OR9Q1: variants seen among roughly 807,000 people sequenced by gnomAD.
OR9Q1 encodes olfactory receptor family 9 subfamily Q member 1, also known as olfactory receptor 9Q1.
For synonymous variants in OR9Q1, 153 were observed against 148.6 expected (o/e 1.03, Z -0.22); for missense variants, 374 against 378.8 (o/e 0.99, Z 0.11).
At chr11:58,173,623 A>C (rs927802227) in intron 2 of OR9Q1, among the ~76,000 whole-genome samples, 1 of 152,068 alleles carries the variant, frequency 6.6e-6, no homozygotes, top group Non-Finnish European at 1.5e-5. Flanking sequence ...CTCTGAGCTG[A>C]GAGCTTCTTC....
At chr11:58,067,021 T>G (rs1046106175) in intron 2 of OR9Q1, among the ~76,000 whole-genome samples, 4 of 128,406 alleles carry the variant, frequency 3.1e-5, no homozygotes, top group Non-Finnish European at 6.5e-5. Context: ...TGTAATTTGT[T>G]TTTGGCTTGA....
intron 1 of OR9Q1, among the ~76,000 whole-genome samples, chr11:58,037,905 T>C (rs1023242567): frequency 6.9e-6 from 1 of 145,034 alleles, no homozygotes; most frequent in Non-Finnish European, 1.5e-5. Context: ...TTTTTTTTTT[T>C]TTTTTTTAGT....
chr11:58,157,580 G>A (rs374004368), intron 2 of OR9Q1, among the ~76,000 whole-genome samples: 1 of 152,036 alleles, frequency 6.6e-6, no homozygotes, highest in East Asian at 1.9e-4. Flanking sequence ...AAGGAAGGAA[G>A]GATGGAAGGA....
At chr11:58,085,380 G>A (rs1853624646) in intron 2 of OR9Q1, among the ~76,000 whole-genome samples, 1 of 151,732 alleles carries the variant, frequency 6.6e-6, no homozygotes. Flanking sequence ...GTCTCTTGGT[G>A]AGAGTTTTTT....
chr11:58,060,260 G>T (rs944473978), intron 2 of OR9Q1: 1 of 152,168 alleles, frequency 6.6e-6, no homozygotes, highest in Non-Finnish European at 1.5e-5. Flanking sequence ...AGGTAAAGAG[G>T]GGAGAATTGA....
chr11:58,037,382 C>T (rs911840731), intron 1 of OR9Q1, among the ~76,000 whole-genome samples: 2 of 151,758 alleles, frequency 1.3e-5, no homozygotes, highest in Non-Finnish European at 2.9e-5. Context: ...GAAACCAAAC[C>T]CACAATATGT....
intron 2 of OR9Q1, among the ~76,000 whole-genome samples, chr11:58,165,397 A>G (rs1055044683): frequency 2.6e-5 from 4 of 152,208 alleles, no homozygotes; most frequent in African/African-American, 9.6e-5. Context: ...CCTTTTGTGA[A>G]GGGACTGTTT....
chr11:58,042,761 A>T (rs1207524909), intron 1 of OR9Q1, among the ~76,000 whole-genome samples: 1 of 152,156 alleles, frequency 6.6e-6, no homozygotes, highest in Non-Finnish European at 1.5e-5. Flanking sequence ...CACGATATTG[A>T]TTCTTCCTAC....
At chr11:58,099,476 G>T (rs1853763103) in intron 2 of OR9Q1, among the ~76,000 whole-genome samples, 1 of 151,688 alleles carries the variant, frequency 6.6e-6, no homozygotes, top group Non-Finnish European at 1.5e-5. Flanking sequence ...CTTTATCTCT[G>T]GTTATATTAT....
At chr11:58,143,499 C>A (rs1565088882) in intron 2 of OR9Q1, among the ~76,000 whole-genome samples, 1 of 152,214 alleles carries the variant, frequency 6.6e-6, no homozygotes. Context: ...CTAACCTAGG[C>A]TTTGCCTATT....
chr11:58,159,337 T>A (rs551870498), intron 2 of OR9Q1, among the ~76,000 whole-genome samples: 13 of 152,204 alleles, frequency 8.5e-5, no homozygotes, highest in Admixed American at 8.5e-4. Context: ...AAGAGTATTG[T>A]TGCTTCTTGC....
chr11:58,107,253 C>G (rs1012670831), intron 2 of OR9Q1, among the ~76,000 whole-genome samples: 1 of 152,094 alleles, frequency 6.6e-6, no homozygotes, highest in African/African-American at 2.4e-5. Flanking sequence ...CTAATGCTAT[C>G]CCTTCCCCAT....
At chr11:58,145,611 T>C (rs965958976) in intron 2 of OR9Q1, among the ~76,000 whole-genome samples, 5 of 152,202 alleles carry the variant, frequency 3.3e-5, no homozygotes, top group African/African-American at 9.6e-5. Context: ...ACTTTAGTTT[T>C]CTCATCAGTA....
intron 2 of OR9Q1, among the ~76,000 whole-genome samples, chr11:58,155,472 C>T (rs542541175): frequency 5.3e-4 from 80 of 152,308 alleles, no homozygotes; most frequent in African/African-American, 1.7e-3. Flanking sequence ...TGCTCACTCT[C>T]AGAGTCATGC....
chr11:58,154,914 CATTGCTTAG>C (rs1256014092), intron 2 of OR9Q1, among the ~76,000 whole-genome samples: 1 of 152,208 alleles, frequency 6.6e-6, no homozygotes, highest in African/African-American at 2.4e-5. Context: ...GCTTGCTTCT[CATTGCTTAG>C]ATGATAGTGA....
intron 2 of OR9Q1, among the ~76,000 whole-genome samples, chr11:58,114,054 T>A (rs1853927526): frequency 6.6e-6 from 1 of 152,080 alleles, no homozygotes. Context: ...TCACCAAATC[T>A]TCTTCTGGCC....
At chr11:58,046,593 G>A (rs1374566416) in intron 1 of OR9Q1, among the ~76,000 whole-genome samples, 3 of 152,166 alleles carry the variant, frequency 2.0e-5, no homozygotes, top group Non-Finnish European at 4.4e-5. Context: ...TGATCGTGGT[G>A]GCTCACACCT....
chr11:58,085,098 C>A (rs1464629605), intron 2 of OR9Q1, among the ~76,000 whole-genome samples: 1 of 151,874 alleles, frequency 6.6e-6, no homozygotes, highest in Non-Finnish European at 1.5e-5. Flanking sequence ...TAAAGCAAAT[C>A]ACCTTGTATT....
intron 2 of OR9Q1, among the ~76,000 whole-genome samples, chr11:58,157,253 A>ACTGACATTCAGATCT (rs2119914156): frequency 6.6e-6 from 1 of 152,228 alleles, no homozygotes; most frequent in African/African-American, 2.4e-5. Flanking sequence ...GGTCGCTCCT[A>ACTGACATTCAGATCT]CTGACATTCA....
Sources: allele counts gnomAD v4.1 joint callset (sites outside exome capture counted in the v4.1 genomes callset), GRCh38; gene constraint gnomAD v4.1.1; transcripts MANE v1.5; gene names NCBI Gene and HGNC (gene_info 2026-07-23, HGNC 2026-07-21).